Variants in NOL4 observed in about 807,000 individuals in gnomAD.
The protein encoded by NOL4 is cancer/testis antigen 125.
NOL4 carries 17 observed loss-of-function variants against 75.9 expected under a neutral mutation model. The observed-to-expected ratio is 0.22, with a 90% CI of 0.15 to 0.34. NOL4 has a LOEUF of 0.34. Among genes scored for constraint, NOL4 ranks in the 10% least tolerant of loss-of-function variants. The pLI, the probability that NOL4 is intolerant of heterozygous loss-of-function variation, is 1.00. For missense variants in NOL4, 614 were observed against 793.5 expected (o/e 0.77, Z 2.72); for synonymous variants, 292 against 289.9 (o/e 1.01, Z -0.07).
intron 8 of NOL4, among the ~76,000 whole-genome samples, chr18:33,953,780 TG>T (rs1386579027): frequency 6.6e-6 from 1 of 152,166 alleles, no homozygotes; most frequent in Non-Finnish European, 1.5e-5. Flanking sequence ...ACCAAAGATT[TG>T]TATATTTTTG....
intron 9 of NOL4, among the ~76,000 whole-genome samples, chr18:33,915,033 A>C (rs546993290): frequency 6.6e-6 from 1 of 152,204 alleles, no homozygotes; most frequent in African/African-American, 2.4e-5. Context: ...ACAAGGAGAA[A>C]CCAGCATAGG....
intron 9 of NOL4, among the ~76,000 whole-genome samples, chr18:33,894,049 C>T (rs1240470190): frequency 6.6e-6 from 1 of 152,092 alleles, no homozygotes; most frequent in African/African-American, 2.4e-5. Flanking sequence ...GTCTCCTTTG[C>T]TCCATTAGTA....
chr18:34,131,071 C>A (rs1238205839), intron 1 of NOL4, among the ~76,000 whole-genome samples: 2 of 120,320 alleles, frequency 1.7e-5, no homozygotes, highest in Non-Finnish European at 3.6e-5. Flanking sequence ...CACACATACA[C>A]CGACACACAC....
chr18:34,027,321 T>C (rs2075397071), intron 5 of NOL4, among the ~76,000 whole-genome samples: 2 of 152,120 alleles, frequency 1.3e-5, no homozygotes, highest in Admixed American at 1.3e-4. Context: ...TCAGGAATCA[T>C]GGGATTAGCA....
intron 10 of NOL4, among the ~76,000 whole-genome samples, chr18:33,859,802 C>T (rs1479080062): frequency 6.6e-6 from 1 of 151,950 alleles, no homozygotes; most frequent in Non-Finnish European, 1.5e-5. Context: ...ACCTGTAATC[C>T]CAGCTAATTG....
rs528308892 is a variant in NOL4, at chr18:34,056,990, G to A, written c.772+36475C>T. ...AAAAGTAACATTGAACAAGGCTTTA[G>A]TAGAATGCAATACAACCCTTGACTT... On this transcript the variant is annotated intron_variant, in intron 5 of 10. Transcript: ENST00000261592. 4.6e-5 allele frequency among the ~76,000 whole-genome samples: 7 copies of A among 152,282 alleles called. No homozygotes were observed. The East Asian group carries it at 1.4e-3, about 29-fold the overall frequency.
At chr18:34,182,244 A>G in intron 1 of NOL4, among the ~76,000 whole-genome samples, 1 of 151,692 alleles carries the variant, frequency 6.6e-6, no homozygotes, top group South Asian at 2.1e-4. Flanking sequence ...TGATATGCTG[A>G]GGCACACTAT....
At chr18:34,134,747 G>T (rs2080821499) in intron 1 of NOL4, among the ~76,000 whole-genome samples, 1 of 152,058 alleles carries the variant, frequency 6.6e-6, no homozygotes, top group African/African-American at 2.4e-5. Flanking sequence ...TTAAGGGATT[G>T]AAAATATATT....
intron 1 of NOL4, among the ~76,000 whole-genome samples, chr18:34,173,029 G>A (rs1299140813): frequency 6.6e-6 from 1 of 151,764 alleles, no homozygotes; most frequent in Non-Finnish European, 1.5e-5. Context: ...GCCTTGCCTT[G>A]TTTTTGCTTT....
chr18:34,041,075 T>A (rs1338369843), intron 5 of NOL4, among the ~76,000 whole-genome samples: 2 of 151,928 alleles, frequency 1.3e-5, no homozygotes, highest in Non-Finnish European at 2.9e-5. Context: ...ATAACACATA[T>A]TTTGCTTTCA....
At chr18:34,198,716 T>C (rs948222304) in intron 1 of NOL4, among the ~76,000 whole-genome samples, 4 of 151,886 alleles carry the variant, frequency 2.6e-5, no homozygotes, top group African/African-American at 7.2e-5. Context: ...TTAAATCTTG[T>C]ACTTTTTTAG....
chr18:34,015,833 G>A (rs376348650), intron 6 of NOL4, among the ~76,000 whole-genome samples: 12 of 152,018 alleles, frequency 7.9e-5, no homozygotes, highest in African/African-American at 1.2e-4. Context: ...CTTAGTAAAC[G>A]GATTCGTCAT....
chr18:33,964,354 A>G (rs2070396899), intron 6 of NOL4, among the ~76,000 whole-genome samples: 1 of 152,148 alleles, frequency 6.6e-6, no homozygotes, highest in Admixed American at 6.6e-5. Context: ...CAGTATCATT[A>G]TAAGTGTAAT....
chr18:34,205,947 GA>G (rs1469955513), intron 1 of NOL4, among the ~76,000 whole-genome samples: 1 of 152,032 alleles, frequency 6.6e-6, no homozygotes, highest in Non-Finnish European at 1.5e-5. Context: ...AAATTATTAA[GA>G]CATTTTATCT....
intron 1 of NOL4, among the ~76,000 whole-genome samples, chr18:34,195,353 C>T (rs2035252106): frequency 6.6e-6 from 1 of 152,086 alleles, no homozygotes; most frequent in African/African-American, 2.4e-5. Context: ...TGACAATTGG[C>T]ATCATCTGTT....
At chr18:34,021,372 C>T (rs546900125) in intron 5 of NOL4, among the ~76,000 whole-genome samples, 4 of 152,034 alleles carry the variant, frequency 2.6e-5, no homozygotes, top group South Asian at 2.1e-4. Flanking sequence ...GGGATCAGCA[C>T]GTGCAAAGTC....
At chr18:34,133,544 C>A (rs4239388) in intron 1 of NOL4, among the ~76,000 whole-genome samples, 76,353 of 151,686 alleles carry the variant, frequency 0.5, 19,292 homozygotes, top group Admixed American at 0.57. Flanking sequence ...TGAATGACTT[C>A]AAAGGCAACT....
intron 9 of NOL4, among the ~76,000 whole-genome samples, chr18:33,889,722 G>A (rs2064986362): frequency 6.6e-6 from 1 of 152,012 alleles, no homozygotes; most frequent in Non-Finnish European, 1.5e-5. Context: ...GGGATGCAAG[G>A]CTGGTTCAAC....
chr18:34,011,691 TA>T (rs1203196942), intron 6 of NOL4, among the ~76,000 whole-genome samples: 1 of 151,688 alleles, frequency 6.6e-6, no homozygotes, highest in African/African-American at 2.4e-5. Flanking sequence ...AAAAATTAAA[TA>T]CAAAAATAAA....
Sources: allele counts gnomAD v4.1 joint callset (sites outside exome capture counted in the v4.1 genomes callset), GRCh38; gene constraint gnomAD v4.1.1; transcripts MANE v1.5; gene names NCBI Gene and HGNC (gene_info 2026-07-23, HGNC 2026-07-21).